Variants in DOCK10 observed in about 807,000 individuals in gnomAD.
DOCK10 encodes dedicator of cytokinesis protein 10.
A neutral mutation model predicts 280.1 loss-of-function variants in DOCK10; 145 were observed. The ratio of observed to expected loss-of-function variants is 0.52; its 90% CI spans 0.45 to 0.59. The LOEUF (loss-of-function observed/expected upper bound fraction) is 0.59, where lower values mean the gene tolerates loss of function less well. Among genes scored for constraint, DOCK10 ranks in the 20% least tolerant of loss-of-function variants. DOCK10 has a pLI of 0.00. For synonymous variants in DOCK10, 915 were observed against 942.2 expected, an observed-to-expected ratio of 0.97 and a Z score of 0.53; for missense variants, 2,368 against 2,651.7, an observed-to-expected ratio of 0.89 and a Z score of 2.35.
At position 224,770,285 on chromosome 2, in the gene DOCK10, G is replaced by A. The variant is rs1324083260; in HGVS notation, c.6370C>T (p.Leu2124=). ...GACCTCAGTTCTTCCTGGTACTCCA[G>A]CTGGTCCTCTTTGATGAGGCGCTCA... is the stretch of plus-strand genomic sequence containing the variant. ...VNERLIKEDQ[L]EYQEELRSHY... The change falls in exon 55 of 56, where the codon CTG becomes TTG. Residue 2124 remains leucine (L), a synonymous_variant. Coordinates refer to ENST00000258390, the MANE Select transcript of DOCK10 (RefSeq NM_014689.3). The surrounding 1 kb of genome is among the most constrained non-coding windows in gnomAD (Gnocchi z 4.5). The A allele has an allele frequency of 6.2e-7, 1 of 1,606,718 alleles. No homozygotes were observed. The highest frequency in any genetic ancestry group is 2.2e-5 in the East Asian group (1 of 44,692).
intron 1 of DOCK10, among the ~76,000 whole-genome samples, chr2:224,952,936 A>T (rs747453529): frequency 6.6e-6 from 1 of 152,228 alleles, no homozygotes; most frequent in Non-Finnish European, 1.5e-5. Flanking sequence ...TTTCAGTTAG[A>T]TAGGCTATCC....
intron 2 of DOCK10, among the ~76,000 whole-genome samples, chr2:224,930,863 A>G (rs1702321311): frequency 6.6e-6 from 1 of 152,244 alleles, no homozygotes; most frequent in South Asian, 2.1e-4. Context: ...TTAGATCACA[A>G]TTTAAAAACA....
chr2:224,773,430 G>T, intron 52 of DOCK10, 83 bp from the exon 53 acceptor site: 1 of 1,291,948 alleles, frequency 7.7e-7, no homozygotes. Flanking sequence ...AGAGGATCAT[G>T]TATCATTTCA....
chr2:224,927,963 C>T (rs1702126249), intron 2 of DOCK10, among the ~76,000 whole-genome samples: 1 of 152,088 alleles, frequency 6.6e-6, no homozygotes, highest in Non-Finnish European at 1.5e-5. Context: ...TCCCTCAATG[C>T]CTTGGGATTG....
intron 2 of DOCK10, among the ~76,000 whole-genome samples, chr2:224,917,434 A>G (rs916721418): frequency 1.3e-5 from 2 of 152,180 alleles, no homozygotes; most frequent in Non-Finnish European, 2.9e-5. Flanking sequence ...GAAAACTTAC[A>G]AAGTCAGCAT....
intron 11 of DOCK10, among the ~76,000 whole-genome samples, chr2:224,869,833 GAGTCATA>G (rs994303214): frequency 6.6e-6 from 1 of 152,166 alleles, no homozygotes; most frequent in Non-Finnish European, 1.5e-5. Flanking sequence ...CACGTGGAAG[GAGTCATA>G]TGCCCCTGGC....
At chr2:224,931,007 G>A (rs1477446723) in intron 2 of DOCK10, among the ~76,000 whole-genome samples, 1 of 152,186 alleles carries the variant, frequency 6.6e-6, no homozygotes, top group Non-Finnish European at 1.5e-5. Flanking sequence ...TGTCTGTGTG[G>A]TAGTGTGCAT....
At chr2:224,920,972 G>A (rs1701670398) in intron 2 of DOCK10, among the ~76,000 whole-genome samples, 1 of 150,086 alleles carries the variant, frequency 6.7e-6, no homozygotes, top group African/African-American at 2.5e-5. Flanking sequence ...AAAATAAAGT[G>A]GGCTGGGCAC....
chr2:224,982,535 G>A, intron 1 of DOCK10: 1 of 1,220,546 alleles, frequency 8.2e-7, no homozygotes, highest in Non-Finnish European at 1.0e-6. Context: ...CTTGGATGCA[G>A]AGATGGGAAA....
intron 8 of DOCK10, among the ~76,000 whole-genome samples, chr2:224,875,533 T>C (rs1232156336): frequency 1.3e-5 from 2 of 152,054 alleles, no homozygotes; most frequent in Non-Finnish European, 2.9e-5. Flanking sequence ...GGAATTAGGA[T>C]GGGGAGAAAA....
At chr2:224,948,784 T>C (rs1031772771) in intron 1 of DOCK10, among the ~76,000 whole-genome samples, 6 of 152,244 alleles carry the variant, frequency 3.9e-5, no homozygotes, top group African/African-American at 7.2e-5. Flanking sequence ...CATCCAACAA[T>C]GGTGCCTTAA....
At chr2:224,837,407 G>T (rs975818928) in intron 25 of DOCK10, among the ~76,000 whole-genome samples, 1 of 152,226 alleles carries the variant, frequency 6.6e-6, no homozygotes, top group African/African-American at 2.4e-5. Flanking sequence ...GAAACACAGA[G>T]CATTCAACAA....
intron 3 of DOCK10, among the ~76,000 whole-genome samples, chr2:224,899,503 A>G (rs1462056184): frequency 6.6e-6 from 1 of 152,200 alleles, no homozygotes; most frequent in African/African-American, 2.4e-5. Flanking sequence ...AAATTGTGTT[A>G]TATGTTAGAA....
intron 52 of DOCK10, among the ~76,000 whole-genome samples, chr2:224,773,892 G>A (rs1690635212): frequency 1.3e-5 from 2 of 152,100 alleles, no homozygotes; most frequent in African/African-American, 4.8e-5. Flanking sequence ...TGCCTCCCAT[G>A]TGCTGGGATT....
intron 28 of DOCK10, among the ~76,000 whole-genome samples, chr2:224,823,246 A>G (rs1472026379): frequency 1.3e-5 from 2 of 152,058 alleles, no homozygotes; most frequent in Non-Finnish European, 2.9e-5. Flanking sequence ...TTGGCCTCCC[A>G]AAGTGCTGGG....
chr2:224,960,539 CAT>C (rs1704304599), intron 1 of DOCK10, among the ~76,000 whole-genome samples: 1 of 152,046 alleles, frequency 6.6e-6, no homozygotes, highest in East Asian at 1.9e-4. Context: ...TCATTTCTTC[CAT>C]ATGTCCTTTC....
chr2:224,871,645 T>C (rs977576217), intron 11 of DOCK10, among the ~76,000 whole-genome samples: 1 of 152,192 alleles, frequency 6.6e-6, no homozygotes, highest in Non-Finnish European at 1.5e-5. Flanking sequence ...TTTCAGTTCC[T>C]AGAACTTGCT....
At chr2:225,017,429 T>TGAGAGAGAGAGA (rs71062970) in intron 1 of DOCK10, among the ~76,000 whole-genome samples, 11 of 147,164 alleles carry the variant, frequency 7.5e-5, no homozygotes, top group Non-Finnish European at 1.0e-4. Flanking sequence ...AGACAGAGAT[T>TGAGAGAGAGAGA]GAGAGAGAGA....
At chr2:224,893,332 A>C (rs531776392) in intron 4 of DOCK10, 53 of 161,890 alleles carry the variant, frequency 3.3e-4, no homozygotes, top group Admixed American at 6.5e-4. Flanking sequence ...TAAAAAAAAA[A>C]CAAAAACTGT....
Sources: gnomAD v4.1 joint callset for allele counts (sites outside exome capture counted in the v4.1 genomes callset) on GRCh38, gnomAD v4.1.1 for gene constraint, Gnocchi (gnomAD v3.1) non-coding constraint, MANE v1.5 for transcripts, NCBI Gene and HGNC (gene_info 2026-07-23, HGNC 2026-07-21) for gene names.